GCDH: variants seen among roughly 807,000 people sequenced by gnomAD.
The protein encoded by GCDH is glutaryl-CoA dehydrogenase, also known as glutaryl-CoA dehydrogenase, mitochondrial.
A neutral mutation model predicts 52.8 loss-of-function variants in GCDH; 31 were observed. The ratio of observed to expected loss-of-function variants is 0.59; its 90% CI spans 0.44 to 0.79. The LOEUF is 0.79. GCDH is among the 30% of genes least tolerant of loss of function. GCDH has a pLI of 0.00. For synonymous variants in GCDH, 242 were observed against 250.0 expected, an observed-to-expected ratio of 0.97 and a Z score of 0.30; for missense variants, 509 against 595.0, an observed-to-expected ratio of 0.86 and a Z score of 1.50.
chr19:12,891,302 A>AG lies in GCDH; in HGVS notation c.-2dup. ...GTCGTTGCTCCGCTCGCTCTGAGAGAGCATGGCCCTGAGAGGCGTCTCCGT... is the reference window on the plus strand; with the variant it reads ...GTCGTTGCTCCGCTCGCTCTGAGAGAGGCATGGCCCTGAGAGGCGTCTCCGT... On this transcript the variant is annotated 5_prime_UTR_variant, in exon 2 of 12. Coordinates refer to ENST00000222214, the MANE Select transcript of GCDH (RefSeq NM_000159.4). The AG allele has an allele frequency of 6.2e-7, 1 of 1,604,844 alleles. No individual in the cohort carries two copies. Among genetic ancestry groups the AG allele is most frequent in the Non-Finnish European group, 8.5e-7 (1 of 1,179,432 alleles).
intron 6 of GCDH, chr19:12,894,231 C>A: frequency 1.7e-6 from 2 of 1,207,840 alleles, no homozygotes; most frequent in Admixed American, 1.7e-5. Context: ...AGCGTATGGC[C>A]ACAGAAGTTG....
chr19:12,893,110 C>T (rs1362913672), intron 5 of GCDH, among the ~76,000 whole-genome samples: 1 of 152,092 alleles, frequency 6.6e-6, no homozygotes, highest in African/African-American at 2.4e-5. Flanking sequence ...TGGTCTTGAA[C>T]TCCTGACCTC....
At chr19:12,894,681 A>G (rs974177165) in intron 6 of GCDH, 4 of 816,478 alleles carry the variant, frequency 4.9e-6, no homozygotes, top group African/African-American at 3.4e-5. Context: ...GTCACTCCAC[A>G]TGTCCTGCAG....
In GCDH at chr19:12,896,439, T is replaced by C; in HGVS notation, c.852+18T>C. 1.3e-6 allele frequency: 2 copies of C among 1,584,616 alleles called. No homozygotes were observed. The highest frequency in any genetic ancestry group is 1.3e-5 in the African/African-American group (1 of 74,424). On this transcript the variant is annotated intron_variant, in intron 8 of 11. Coordinates refer to ENST00000222214, the MANE Select transcript of GCDH (RefSeq NM_000159.4). This position sits in a 1 kb window ranked among gnomAD's most constrained non-coding sequence, Gnocchi z 5.5. ...GCCTGGGGGTAAGTGGCAGCCACTT[T>C]GGGAATGGGTGTTGGGTCACCTGCG...
At chr19:12,899,423 T>C (rs769283497) in intron 11 of GCDH, 45 bp from the exon 12 acceptor site, 22 of 1,613,940 alleles carry the variant, frequency 1.4e-5, no homozygotes, top group Non-Finnish European at 1.9e-5. Context: ...AGGGAAGTTG[T>C]GAGCTATGAA....
In GCDH at chr19:12,899,981, C is replaced by G. The variant is rs1261289874; in HGVS notation, c.*440C>G. On this transcript the variant is annotated 3_prime_UTR_variant, in exon 12 of 12. Transcript: ENST00000222214. ...ACCTGCACATCTGACCCCAAGGTGT[C>G]AGGCCGGTTTACTGGTAACCACCTG... 1 of 1,612,572 alleles carries G rather than the reference C, an allele frequency of 6.2e-7. No homozygotes were observed. Among genetic ancestry groups the G allele is most frequent in the Non-Finnish European group, 8.5e-7 (1 of 1,179,902 alleles).
chr19:12,897,011 C>G lies in GCDH; in HGVS notation c.954C>G (p.Asp318Glu), dbSNP rs1226151158. The change falls in exon 9 of 12, where the codon GAC (aspartate) becomes GAG (glutamate). Residue 318 changes from aspartate to glutamate, a missense_variant and splice_region_variant. Coordinates refer to ENST00000222214, the MANE Select transcript of GCDH (RefSeq NM_000159.4). ...CLHTARQYAL[D>E]RMQFGVPLAR... ...ACACAGCCCGGCAGTACGCCCTCGA[C>G]AGGTGTGTGAGGGCTGCAGTGAGAT... 6.2e-7 allele frequency: 1 copy of G among 1,606,958 alleles called. No homozygotes were observed. Among genetic ancestry groups the G allele is most frequent in the African/African-American group, 1.3e-5 (1 of 74,836 alleles).
rs776644984 is a variant in GCDH, at chr19:12,897,295, C to T, written c.957-8C>T. ...CCCCTCGCTCTTACCCTGCCATTGC[C>T]CATGTAGGATGCAGTTTGGTGTCCC... On this transcript the variant is annotated splice_region_variant and splice_polypyrimidine_tract_variant and intron_variant, in intron 9 of 11. Transcript: ENST00000222214. The T allele has an allele frequency of 1.9e-6, 3 of 1,613,514 alleles. No homozygotes were observed. In the African/African-American group the frequency reaches 4.0e-5, roughly 22 times the overall value.
At position 12,899,705 on chromosome 19, in the gene GCDH, C is replaced by CGG; in HGVS notation, c.*164_*165insGG. On this transcript the variant is annotated 3_prime_UTR_variant, in exon 12 of 12. Transcript: ENST00000222214. The stretch of plus-strand genomic sequence containing the variant: ...TCAAAATTTCCCTTCTGAAGTCGTT[C>CGG]AGATGTGTTCCTTAAAAAGAAGATG... The CGG allele has an allele frequency of 6.2e-7, 1 of 1,612,284 alleles. No individual in the cohort carries two copies. Among genetic ancestry groups the CGG allele is most frequent in the Admixed American group, 1.7e-5 (1 of 60,008 alleles).
chr19:12,893,562 G>A lies in GCDH; in HGVS notation c.414G>A (p.Arg138=). The A allele has an allele frequency of 6.2e-7, 1 of 1,614,014 alleles. No individual in the cohort carries two copies. The highest frequency in any genetic ancestry group is 8.5e-7 in the Non-Finnish European group (1 of 1,179,888). Residue 138 remains arginine (R), a synonymous_variant, in exon 6 of 12, where the codon AGG becomes AGA. Coordinates refer to ENST00000222214, the MANE Select transcript of GCDH (RefSeq NM_000159.4). ...RELERVDSGY[R]SAMSVQSSLV... Reference sequence around the variant, plus strand: ...TGGAGCGGGTGGACAGTGGCTACAGGTCGGCGATGAGTGTCCAGTCCTCCC... The same window carrying A: ...TGGAGCGGGTGGACAGTGGCTACAGATCGGCGATGAGTGTCCAGTCCTCCC...
chr19:12,895,598 A>G (rs1429577072), intron 6 of GCDH, among the ~76,000 whole-genome samples: 3 of 151,292 alleles, frequency 2.0e-5, no homozygotes, highest in Middle Eastern at 3.4e-3. Flanking sequence ...GGGTTTCACC[A>G]TATTGGTCAG....
In GCDH at chr19:12,892,151, T is replaced by C. The variant is rs1970574350; in HGVS notation, c.307T>C (p.Leu103=). Residue 103 remains leucine, a synonymous_variant, in exon 5 of 12, where the codon TTG becomes CTG. Transcript: ENST00000222214. The part of the protein sequence containing the change: ...HREIISEMGE[L]GVLGPTIKGY... Reference sequence around the variant, plus strand: ...GGAGATCATTTCGGAGATGGGGGAGTTGGGTGTGCTGGGCCCCACCATCAA... The same window carrying C: ...GGAGATCATTTCGGAGATGGGGGAGCTGGGTGTGCTGGGCCCCACCATCAA... 6.2e-7 allele frequency: 1 copy of C among 1,614,048 alleles called. No individual in the cohort carries two copies. The highest frequency in any genetic ancestry group is 8.5e-7 in the Non-Finnish European group (1 of 1,180,018).
In GCDH at chr19:12,899,971, C is replaced by A. The variant is rs1185743185; in HGVS notation, c.*430C>A. ...GAAAATAAAGACCTGCACATCTGAC[C>A]CCAAGGTGTCAGGCCGGTTTACTGG... On this transcript the variant is annotated 3_prime_UTR_variant, in exon 12 of 12. Transcript: ENST00000222214. The A allele has an allele frequency of 1.2e-6, 2 of 1,612,474 alleles. No homozygotes were observed. The highest frequency in any genetic ancestry group is 1.7e-6 in the Non-Finnish European group (2 of 1,179,850).
intron 11 of GCDH, chr19:12,898,803 T>C (rs1970759873): frequency 5.9e-6 from 1 of 169,456 alleles, no homozygotes; most frequent in Non-Finnish European, 1.3e-5. Context: ...AATAGGTTTG[T>C]ACTTTAGGAA....
Position 12,891,895 on chromosome 19 carries a change from GATCCTC to G in GCDH, c.196_201del (p.Leu66_Ile67del), listed in dbSNP as rs1485445178. ...TGGAGGAGCAGCTGACCACAGATGA[GATCCTC>G]ATCAGGGACACCTTCCGCACCTACT... On this transcript the variant is annotated inframe_deletion, in exon 4 of 12. Coordinates refer to ENST00000222214, the MANE Select transcript of GCDH (RefSeq NM_000159.4). 1 of 1,614,210 alleles carries G rather than the reference GATCCTC, an allele frequency of 6.2e-7. No homozygotes were observed. The highest frequency in any genetic ancestry group is 1.7e-5 in the Admixed American group (1 of 60,018).
chr19:12,894,525 G>A (rs1048630395), intron 6 of GCDH: 17 of 682,600 alleles, frequency 2.5e-5, no homozygotes, highest in Admixed American at 2.0e-4. Context: ...ATGATGCCTC[G>A]TCACCTGGGG....
chr19:12,891,441 G>T lies in GCDH; in HGVS notation c.91+46G>T, dbSNP rs564016367. On this transcript the variant is annotated intron_variant, in intron 2 of 11. Coordinates refer to ENST00000222214, the MANE Select transcript of GCDH (RefSeq NM_000159.4). ...GTGGAGGGAAGGAGGGAGGAACTGG[G>T]GGTTTAGGGACTTTCCGGGGTGACT... 2,263 of 1,614,228 alleles carry T rather than the reference G, an allele frequency of 1.4e-3. 36 individuals are homozygous for T. In the South Asian group the frequency reaches 0.024, roughly 17 times the overall value.
intron 6 of GCDH, chr19:12,894,401 GAGAA>G (rs1161370284): frequency 1.3e-5 from 10 of 751,272 alleles, no homozygotes; most frequent in Non-Finnish European, 2.5e-5. Flanking sequence ...AGGAGAACTG[GAGAA>G]AGAAAGAGAA....
chr19:12,894,760 T>C (rs1356358682), intron 6 of GCDH: 1 of 830,102 alleles, frequency 1.2e-6, no homozygotes, highest in East Asian at 2.7e-5. Flanking sequence ...CTGCAGAATA[T>C]GCTAAACTTT....
Sources: gnomAD v4.1 joint callset for allele counts (sites outside exome capture counted in the v4.1 genomes callset) on GRCh38, gnomAD v4.1.1 for gene constraint, Gnocchi (gnomAD v3.1) non-coding constraint, MANE v1.5 for transcripts, NCBI Gene and HGNC (gene_info 2026-07-23, HGNC 2026-07-21) for gene names.